ANGPTL3: variants seen among roughly 807,000 people sequenced by gnomAD.
ANGPTL3 encodes the protein angiopoietin like 3.
In ANGPTL3, 51 loss-of-function variants were observed where a neutral mutation model predicts 52.7. The ratio of observed to expected loss-of-function variants is 0.97; its 90% CI spans 0.77 to 1.22. The LOEUF (loss-of-function observed/expected upper bound fraction) is 1.22, where lower values mean the gene tolerates loss of function less well. Ranked by LOEUF, ANGPTL3 falls within the 50% of genes most tolerant of loss-of-function variation. ANGPTL3 has a pLI of 0.00. For missense variants in ANGPTL3, 506 were observed against 520.7 expected, an observed-to-expected ratio of 0.97 and a Z score of 0.27; for synonymous variants, 185 against 179.8, an observed-to-expected ratio of 1.03 and a Z score of -0.23.
At position 62,605,867 on chromosome 1, in the gene ANGPTL3, C is replaced by A. The variant is rs140155323; in HGVS notation, c.*1050C>A. ...TCCCTAAATCCCTAAAGATTAGATA[C>A]AAATTTTTTACCACAGTATCACTTG... On this transcript the variant is annotated 3_prime_UTR_variant, in exon 7 of 7. Transcript: ENST00000371129. 4.6e-5 allele frequency: 7 copies of A among 151,952 alleles called. No homozygotes were observed. Among genetic ancestry groups the A allele is most frequent in the African/African-American group, 1.7e-4 (7 of 41,430 alleles). The allele number at this position is 151,952 out of a possible 1,614,324, so 9.4% of individuals were successfully genotyped here. A position where few individuals can be genotyped will look rare whatever the true frequency, so the allele number is the denominator to read the frequency against.
In ANGPTL3 at chr1:62,597,686, A is replaced by G; in HGVS notation, c.120A>G (p.Leu40=). The G allele has an allele frequency of 6.2e-7, 1 of 1,613,594 alleles. No individual in the cohort carries two copies. The highest frequency in any genetic ancestry group is 8.5e-7 in the Non-Finnish European group (1 of 1,179,726). ...SPEPKSRFAM[L]DDVKILANGL... is the part of the protein sequence containing the mutation. ...AGCCAAAATCAAGATTTGCTATGTT[A>G]GACGATGTAAAAATTTTAGCCAATG... Residue 40 remains leucine (L), a synonymous_variant, in exon 1 of 7, where the codon TTA becomes TTG. Coordinates refer to ENST00000371129, the MANE Select transcript of ANGPTL3 (RefSeq NM_014495.4).
intron 2 of ANGPTL3, 84 bp downstream of exon 2, chr1:62,598,890 A>G (rs1287628889): frequency 2.4e-6 from 2 of 843,364 alleles, no homozygotes; most frequent in African/African-American, 3.4e-5. Context: ...ACAAGCTTTA[A>G]CTGGATCATG....
intron 3 of ANGPTL3, among the ~76,000 whole-genome samples, chr1:62,601,563 A>C (rs1650125113): frequency 6.6e-6 from 1 of 151,688 alleles, no homozygotes; most frequent in East Asian, 1.9e-4. Context: ...TCTAAAAAAT[A>C]ATTAATTTTT....
chr1:62,602,136 G>T, intron 4 of ANGPTL3, 149 bp from the exon 5 acceptor site: 3 of 696,646 alleles, frequency 4.3e-6, no homozygotes, highest in South Asian at 4.0e-5. Context: ...TTAACTTTTG[G>T]GACCATAATA....
In ANGPTL3 at chr1:62,605,021, A is replaced by C. The variant is rs1650769093; in HGVS notation, c.*204A>C. The C allele has an allele frequency of 1.1e-5, 6 of 540,054 alleles. No homozygotes were observed. The highest frequency in any genetic ancestry group is 1.0e-4 in the South Asian group (4 of 39,180). The allele number at this position is 540,054 out of a possible 1,614,324, so 33.5% of individuals were successfully genotyped here. A position where few individuals can be genotyped will look rare whatever the true frequency, so the allele number is the denominator to read the frequency against. Reference sequence around the variant, plus strand: ...ACATTTCTCAATCAAAATTCTTATAATACTATTTGTTTTAAATTTTGTGAT... The same window carrying C: ...ACATTTCTCAATCAAAATTCTTATACTACTATTTGTTTTAAATTTTGTGAT... On this transcript the variant is annotated 3_prime_UTR_variant, in exon 7 of 7. Transcript: ENST00000371129.
rs1324162476 is a variant in ANGPTL3, at chr1:62,605,526, G to A, written c.*709G>A. 2 of 152,362 alleles carry A rather than the reference G, an allele frequency of 1.3e-5. No individual in the cohort carries two copies. The highest frequency in any genetic ancestry group is 4.8e-5 in the African/African-American group (2 of 41,492). The allele number at this position is 152,362 out of a possible 1,614,324, so 9.4% of individuals were successfully genotyped here. A position where few individuals can be genotyped will look rare whatever the true frequency, so the allele number is the denominator to read the frequency against. ...TACCTTATTTGTTAAAATATATACT[G>A]TATACATTTTATATATTTTAACACT... On this transcript the variant is annotated 3_prime_UTR_variant, in exon 7 of 7. Transcript: ENST00000371129.
rs1301577569 is a variant in ANGPTL3 at position 62,604,170 on chromosome 1, AT to A, written c.1136del (p.Leu379TrpfsTer35). 1.9e-6 allele frequency: 3 copies of A among 1,613,274 alleles called. No individual in the cohort carries two copies. Among genetic ancestry groups the A allele is most frequent in the Non-Finnish European group, 2.5e-6 (3 of 1,179,492 alleles). On this transcript the variant is annotated frameshift_variant, in exon 6 of 7. Transcript: ENST00000371129. LOFTEE classifies it high-confidence loss of function. ...CCCAATGCAATCCCGGAAAACAAAG[AT>A]TTGGTGTTTTCTACTTGGGATCACA... ...NVPNAIPENK[D>X]LVFSTWDHKA...
intron 4 of ANGPTL3, 53 bp downstream of exon 4, chr1:62,601,935 G>A (rs938560345): frequency 1.0e-4 from 110 of 1,096,698 alleles, no homozygotes; most frequent in Non-Finnish European, 1.3e-4. Context: ...TACTCATTAC[G>A]TATTAGGAAG....
At chr1:62,601,741 T>C in intron 3 of ANGPTL3, 28 bp from the exon 4 acceptor site, 1 of 1,420,266 alleles carries the variant, frequency 7.0e-7, no homozygotes, top group Non-Finnish European at 9.9e-7. Flanking sequence ...TTACTAAATC[T>C]GATGTAATAA....
chr1:62,605,110 C>T lies in ANGPTL3; in HGVS notation c.*293C>T, dbSNP rs564837147. ...ATCAATAGGTGAACTTATTAAATAACTTTTCTAAATAAAAAATTTAGAGAC... is the reference window on the plus strand; with the variant it reads ...ATCAATAGGTGAACTTATTAAATAATTTTTCTAAATAAAAAATTTAGAGAC... On this transcript the variant is annotated 3_prime_UTR_variant, in exon 7 of 7. Coordinates refer to ENST00000371129, the MANE Select transcript of ANGPTL3 (RefSeq NM_014495.4). 6.8e-4 allele frequency: 174 copies of T among 256,270 alleles called. No homozygotes were observed. Among genetic ancestry groups the T allele is most frequent in the Admixed American group, 2.0e-3 (41 of 20,082 alleles). 15.9% of individuals were successfully genotyped at this position (256,270 alleles called of 1,614,324 possible).
Position 62,601,771 on chromosome 1 carries a change from A to T in ANGPTL3, c.724A>T (p.Ile242Phe). 1 of 1,600,266 alleles carries T rather than the reference A, an allele frequency of 6.2e-7. No homozygotes were observed. The highest frequency in any genetic ancestry group is 8.6e-7 in the Non-Finnish European group (1 of 1,169,092). The change falls in exon 4 of 7, where the codon ATT becomes TTT. Residue 242 changes from isoleucine (I) to phenylalanine (F), a missense_variant and splice_region_variant. Physicochemically the swap from Ile to Phe is conservative, Grantham distance 21 (BLOSUM62 0). Transcript: ENST00000371129. ...NEIRNVKHDG[I>F]PAECTTIYNR... Reference sequence around the variant, plus strand: ...TAATAACATTTTATTGATTCTAGGCATTCCTGCTGAATGTACCACCATTTA... The same window carrying T: ...TAATAACATTTTATTGATTCTAGGCTTTCCTGCTGAATGTACCACCATTTA...
rs773045547 is a variant in ANGPTL3, at chr1:62,602,317, G to C, written c.868G>C (p.Asp290His). The C allele has an allele frequency of 8.8e-5, 142 of 1,610,606 alleles. No homozygotes were observed. In the South Asian group the frequency reaches 1.5e-3, roughly 17 times the overall value. Residue 290 changes from aspartate to histidine, a missense_variant, in exon 5 of 7, where the codon GAT (aspartate) becomes CAT (histidine). Transcript: ENST00000371129. Reference sequence around the variant, plus strand: ...ATGGACATTAATTCAACATCGAATAGATGGATCACAAAACTTCAATGAAAC... The same window carrying C: ...ATGGACATTAATTCAACATCGAATACATGGATCACAAAACTTCAATGAAAC... Reference protein sequence around the residue: ...SPWTLIQHRIDGSQNFNETWE... With the variant: ...SPWTLIQHRIHGSQNFNETWE...
rs1649539520 is a variant in ANGPTL3, at chr1:62,598,008, T to A, written c.442T>A (p.Leu148Ile). The A allele has an allele frequency of 6.4e-7, 1 of 1,572,398 alleles. No individual in the cohort carries two copies. The highest frequency in any genetic ancestry group is 2.3e-5 in the East Asian group (1 of 44,432). The stretch of plus-strand genomic sequence containing the variant: ...ATATTTAGAAGAGCAACTAACTAAC[T>A]TAATTCAAAATCAACCTGAAACTCC... ...VKYLEEQLTN[L>I]IQNQPETPEH... Residue 148 changes from leucine to isoleucine, a missense_variant, in exon 1 of 7, where the codon TTA becomes ATA. Physicochemically the swap from Leu to Ile is conservative, Grantham distance 5. Transcript: ENST00000371129.
At position 62,603,967 on chromosome 1, in the gene ANGPTL3, A is replaced by G. The variant is rs780152435; in HGVS notation, c.932-2A>G. 1.9e-6 allele frequency: 3 copies of G among 1,612,410 alleles called. No individual in the cohort carries two copies. The highest frequency in any genetic ancestry group is 2.5e-6 in the Non-Finnish European group (3 of 1,178,882). ...ACAGATTTTTAAAACTTTTCTTTTC[A>G]GGAGAATTTTGGTTGGGCCTAGAGA... On this transcript the variant is annotated splice_acceptor_variant, in intron 5 of 6. Coordinates refer to ENST00000371129, the MANE Select transcript of ANGPTL3 (RefSeq NM_014495.4). LOFTEE classifies it high-confidence loss of function.
rs1466030998 is a variant in ANGPTL3, at chr1:62,605,458, G to A, written c.*641G>A. ...AGTTCGCTGTCTTTAAACAAATGGA[G>A]ATGACTACTAAGTCACATTGACTTT... On this transcript the variant is annotated 3_prime_UTR_variant, in exon 7 of 7. Coordinates refer to ENST00000371129, the MANE Select transcript of ANGPTL3 (RefSeq NM_014495.4). The A allele has an allele frequency of 6.5e-6, 1 of 152,828 alleles. No homozygotes were observed. The highest frequency in any genetic ancestry group is 1.5e-5 in the Non-Finnish European group (1 of 68,258). The allele number at this position is 152,828 out of a possible 1,614,324, so 9.5% of individuals were successfully genotyped here.
chr1:62,603,750 T>A (rs1156814624), intron 5 of ANGPTL3, among the ~76,000 whole-genome samples: 1 of 151,890 alleles, frequency 6.6e-6, no homozygotes, highest in South Asian at 2.1e-4. Context: ...GAAAGGATAA[T>A]CAGACTTTCA....
At chr1:62,602,427 T>A (rs755058197) in intron 5 of ANGPTL3, 47 bp downstream of exon 5, 1 of 1,538,372 alleles carries the variant, frequency 6.5e-7, no homozygotes. Context: ...AATCTACAAA[T>A]ATTTACTGAG....
chr1:62,599,597 T>C (rs1649811618), intron 2 of ANGPTL3, among the ~76,000 whole-genome samples: 1 of 152,124 alleles, frequency 6.6e-6, no homozygotes, highest in South Asian at 2.1e-4. Context: ...ACAGGGATTT[T>C]TTCCATTATC....
chr1:62,604,577 T>TG, intron 6 of ANGPTL3, 56 bp from the exon 7 acceptor site: 4 of 1,528,136 alleles, frequency 2.6e-6, no homozygotes, highest in Non-Finnish European at 3.6e-6. Context: ...GGAAATACAG[T>TG]AACAGTAACT....
Sources: gnomAD v4.1 joint callset for allele counts (sites outside exome capture counted in the v4.1 genomes callset) on GRCh38, gnomAD v4.1.1 for gene constraint, MANE v1.5 for transcripts, NCBI Gene and HGNC (gene_info 2026-07-23, HGNC 2026-07-21) for gene names.